FRY: variants seen among roughly 807,000 people sequenced by gnomAD.
FRY encodes FRY microtubule binding protein, also known as protein furry homolog.
Under a neutral mutation model 348.4 loss-of-function variants are expected in FRY, and 128 were observed. That is an observed-to-expected ratio of 0.37 (90% CI 0.32 to 0.43). The LOEUF is 0.43. Ranked by LOEUF, FRY falls within the 20% of genes least tolerant of loss-of-function variation. FRY has a pLI of 1.00. For synonymous variants in FRY, 1,370 were observed against 1,374.7 expected (o/e 1.00, Z 0.08); for missense variants, 2,736 against 3,695.2 (o/e 0.74, Z 6.73).
In FRY at chr13:32,031,884, C is replaced by G. The variant is rs201626807; in HGVS notation, c.70+19C>G. On this transcript the variant is annotated intron_variant, in intron 1 of 60. Transcript: ENST00000542859. ...AGTAATAGTGAGTAATAGAAAATAA[C>G]CTTTTTGTTTGTTTGTTTGCTGGAT... The G allele has an allele frequency of 1.2e-5, 16 of 1,362,054 alleles. No homozygotes were observed. The highest frequency in any genetic ancestry group is 1.7e-5 in the Non-Finnish European group (16 of 952,152). 84.4% of individuals were successfully genotyped at this position (1,362,054 alleles called of 1,614,324 possible).
chr13:32,227,694 TA>T lies in FRY; in HGVS notation c.5207-758del, dbSNP rs1463716065. On this transcript the variant is annotated intron_variant, in intron 39 of 60. Coordinates refer to ENST00000542859, the MANE Select transcript of FRY (RefSeq NM_023037.3). Reference sequence around the variant, plus strand: ...GGCACATTTACTCAAAAATATTATGTAAAAGTAACCAGCCATTAAGTGACTG... The same window carrying T: ...GGCACATTTACTCAAAAATATTATGTAAAGTAACCAGCCATTAAGTGACTG... Among the ~76,000 whole-genome samples the T allele has an allele frequency of 3.3e-5, 5 of 151,728 alleles. No individual in the cohort carries two copies. In the South Asian group the frequency reaches 8.3e-4, roughly 25 times the overall value.
rs1392431680 is a variant in FRY at position 32,202,545 on chromosome 13, A to G, written c.4018+18A>G. ...CTTCTCAGGTACCAGGCAATAGTCA[A>G]TAATGACATATGTGATCATTTCTAA... is the stretch of plus-strand genomic sequence containing the variant. On this transcript the variant is annotated intron_variant, in intron 31 of 60. Transcript: ENST00000542859. The G allele has an allele frequency of 1.9e-6, 3 of 1,572,314 alleles. No homozygotes were observed. Among genetic ancestry groups the G allele is most frequent in the Non-Finnish European group, 1.8e-6 (2 of 1,142,050 alleles).
chr13:32,254,523 T>C, intron 51 of FRY, 129 bp downstream of exon 51: 1 of 984,212 alleles, frequency 1.0e-6, no homozygotes, highest in South Asian at 1.4e-5. Context: ...AACTTTATTT[T>C]GAATCAACTT....
In FRY at chr13:32,251,949, A is replaced by C. The variant is rs760771926; in HGVS notation, c.7242A>C (p.Pro2414=). Residue 2414 remains proline, a synonymous_variant, in exon 50 of 61, where the codon CCA becomes CCC. Transcript: ENST00000542859. ...AAGAAGTAGGATTGAGCAAAAATCC[A>C]TCAGTAAGTTCTGTCATGTGTCATA... is the stretch of plus-strand genomic sequence containing the variant. The part of the protein sequence containing the change: ...CGQEVGLSKN[P]SVIFSSCGDL... The C allele has an allele frequency of 6.3e-7, 1 of 1,599,644 alleles. No homozygotes were observed. Among genetic ancestry groups the C allele is most frequent in the Non-Finnish European group, 8.6e-7 (1 of 1,166,748 alleles).
Position 32,179,038 on chromosome 13 carries a change from C to G in FRY, c.2871+5C>G. 6.2e-7 allele frequency: 1 copy of G among 1,607,644 alleles called. No individual in the cohort carries two copies. The highest frequency in any genetic ancestry group is 8.5e-7 in the Non-Finnish European group (1 of 1,174,216). On this transcript the variant is annotated splice_donor_5th_base_variant and intron_variant, in intron 22 of 60. Coordinates refer to ENST00000542859, the MANE Select transcript of FRY (RefSeq NM_023037.3). ...ACAGTGAGCTACGATAACAAGGTGA[C>G]ATGACATGCTTCAGAAGAATTATTC...
At chr13:32,081,675 T>A (rs1875504409) in intron 2 of FRY, among the ~76,000 whole-genome samples, 1 of 152,240 alleles carries the variant, frequency 6.6e-6, no homozygotes, top group Non-Finnish European at 1.5e-5. Context: ...CTGTGTCATA[T>A]TCTTTTCTTG....
At chr13:32,108,306 A>G (rs781760271) in intron 3 of FRY, among the ~76,000 whole-genome samples, 2 of 152,214 alleles carry the variant, frequency 1.3e-5, no homozygotes, top group Non-Finnish European at 2.9e-5. Flanking sequence ...CAGGTGCCTA[A>G]AGCAGTAGAA....
At chr13:32,120,402 A>G (rs1360188405) in intron 4 of FRY, among the ~76,000 whole-genome samples, 1 of 151,988 alleles carries the variant, frequency 6.6e-6, no homozygotes, top group Admixed American at 6.6e-5. Context: ...CAAGCAGAAA[A>G]TGGGGTAGAG....
Position 32,131,829 on chromosome 13 carries a change from C to G in FRY, c.874C>G (p.Gln292Glu). The G allele has an allele frequency of 6.2e-7, 1 of 1,613,032 alleles. No homozygotes were observed. The highest frequency in any genetic ancestry group is 8.5e-7 in the Non-Finnish European group (1 of 1,178,996). Residue 292 changes from glutamine (Q) to glutamate (E), a missense_variant, in exon 8 of 61, where the codon CAG (glutamine) becomes GAG (glutamate). Physicochemically the swap from Gln to Glu is conservative, Grantham distance 29. Around this residue, in one of 9 missense-constraint regions of FRY, gnomAD observed 309 missense variants for 418.1 expected, o/e 0.74. Transcript: ENST00000542859. Reference protein sequence around the residue: ...YPVEDFEASLQFMQECAHYFL... With the variant: ...YPVEDFEASLEFMQECAHYFL... ...AGTGGAGGATTTTGAGGCCTCTCTT[C>G]AGTTTATGCAGGTAATGTCTTAGGC...
intron 2 of FRY, among the ~76,000 whole-genome samples, chr13:32,086,319 T>G (rs1376662267): frequency 6.6e-6 from 1 of 152,226 alleles, no homozygotes; most frequent in African/African-American, 2.4e-5. Context: ...GCCACTAACC[T>G]GTGCTTCTGG....
At chr13:32,177,313 G>A (rs1882423835) in intron 20 of FRY, among the ~76,000 whole-genome samples, 1 of 152,164 alleles carries the variant, frequency 6.6e-6, no homozygotes. Context: ...TCTTGGCCAG[G>A]TGTGGTGGTT....
chr13:32,169,925 G>T (rs1388879802), intron 17 of FRY, among the ~76,000 whole-genome samples: 2 of 152,132 alleles, frequency 1.3e-5, no homozygotes, highest in Non-Finnish European at 2.9e-5. Flanking sequence ...TACTCAAAAT[G>T]TCTCAACCTT....
intron 41 of FRY, among the ~76,000 whole-genome samples, chr13:32,233,122 C>T (rs1451152921): frequency 1.3e-5 from 2 of 152,158 alleles, no homozygotes; most frequent in Non-Finnish European, 2.9e-5. Flanking sequence ...TTTAATCCTA[C>T]GTTTACTACC....
chr13:32,236,008 A>T, intron 42 of FRY, 70 bp from the exon 43 acceptor site: 1 of 1,082,048 alleles, frequency 9.2e-7, no homozygotes, highest in Non-Finnish European at 1.4e-6. Context: ...GTTTACATTA[A>T]TTAAATTTAT....
rs766137499 is a variant in FRY at position 32,173,555 on chromosome 13, G to A, written c.2334+6G>A. ...TTGCCCTGGGGCAGCCTGAGGTATGGATTAGTCTTCTGAATTTTTCCATTT... is the reference window on the plus strand; with the variant it reads ...TTGCCCTGGGGCAGCCTGAGGTATGAATTAGTCTTCTGAATTTTTCCATTT... On this transcript the variant is annotated splice_donor_region_variant and intron_variant, in intron 19 of 60. Coordinates refer to ENST00000542859, the MANE Select transcript of FRY (RefSeq NM_023037.3). The A allele has an allele frequency of 1.2e-6, 2 of 1,607,462 alleles. No homozygotes were observed. The highest frequency in any genetic ancestry group is 1.7e-5 in the Admixed American group (1 of 59,978).
chr13:32,121,662 TA>T (rs1161637562), intron 4 of FRY, among the ~76,000 whole-genome samples: 1 of 152,222 alleles, frequency 6.6e-6, no homozygotes, highest in Non-Finnish European at 1.5e-5. Flanking sequence ...GCATTCATTT[TA>T]GATTCTAGAT....
At chr13:32,135,404 C>G (rs1366733602) in intron 10 of FRY, among the ~76,000 whole-genome samples, 3 of 152,174 alleles carry the variant, frequency 2.0e-5, no homozygotes, top group African/African-American at 4.8e-5. Context: ...TCAGATGACC[C>G]TCTGGTCCTA....
At position 32,262,443 on chromosome 13, in the gene FRY, A is replaced by G. The variant is rs1461686633; in HGVS notation, c.7747A>G (p.Met2583Val). 6.2e-7 allele frequency: 1 copy of G among 1,613,742 alleles called. No homozygotes were observed. Among genetic ancestry groups the G allele is most frequent in the Non-Finnish European group, 8.5e-7 (1 of 1,179,660 alleles). The change falls in exon 53 of 61, where the codon ATG becomes GTG. Residue 2583 changes from methionine to valine, a missense_variant. By Grantham distance (21) the Met-to-Val change is conservative. This residue lies in a region of FRY where 789 missense variants were observed against 996.2 expected (regional missense o/e 0.79). Transcript: ENST00000542859. ...MSSFDASLPD[M>V]NNLQISEGSK... ...CAGCTTTGATGCTTCCTTGCCTGATATGAATAATCTGCAGATTTCTGAGGG... is the reference window on the plus strand; with the variant it reads ...CAGCTTTGATGCTTCCTTGCCTGATGTGAATAATCTGCAGATTTCTGAGGG...
intron 34 of FRY, among the ~76,000 whole-genome samples, chr13:32,211,543 A>G (rs1884686444): frequency 6.6e-6 from 1 of 152,234 alleles, no homozygotes; most frequent in African/African-American, 2.4e-5. Context: ...CTGTGGCTCA[A>G]GCATCCTCCA....
Sources: allele counts gnomAD v4.1 joint callset (sites outside exome capture counted in the v4.1 genomes callset), GRCh38; gene constraint gnomAD v4.1.1; regional missense constraint gnomAD v4.1.1; transcripts MANE v1.5; gene names NCBI Gene and HGNC (gene_info 2026-07-23, HGNC 2026-07-21).